Variants in ARB2A observed in about 807,000 individuals in gnomAD.
ARB2A encodes the protein ARB2 cotranscriptional regulator A.
chr5:93,675,027 G>C, the ARB2A span, among the ~76,000 whole-genome samples: 1 of 152,198 alleles, frequency 6.6e-6, no homozygotes, highest in South Asian at 2.1e-4. Flanking sequence ...GTAATATTCT[G>C]CTTCTCAACC....
the ARB2A span, among the ~76,000 whole-genome samples, chr5:93,692,305 A>G: frequency 6.6e-6 from 1 of 152,348 alleles, no homozygotes; most frequent in Admixed American, 6.5e-5. Flanking sequence ...AGTCACACAT[A>G]GGCTCAAAAT....
the ARB2A span, among the ~76,000 whole-genome samples, chr5:93,852,036 T>C: frequency 6.6e-6 from 1 of 152,190 alleles, no homozygotes; most frequent in African/African-American, 2.4e-5. Flanking sequence ...CACACTGACT[T>C]CCACAAGGGT....
the ARB2A span, chr5:93,683,225 T>A: frequency 7.3e-7 from 1 of 1,378,960 alleles, no homozygotes; most frequent in South Asian, 1.2e-5. Flanking sequence ...ATCATCATCG[T>A]CATCATCTTC....
At chr5:93,923,416 C>T in the ARB2A span, among the ~76,000 whole-genome samples, 9 of 152,184 alleles carry the variant, frequency 5.9e-5, no homozygotes, top group South Asian at 2.1e-4. Context: ...AAAGAGTCAA[C>T]TGTATTTTTT....
At chr5:94,087,900 A>T in the ARB2A span, among the ~76,000 whole-genome samples, 314 of 152,356 alleles carry the variant, frequency 2.1e-3, 2 homozygotes, top group African/African-American at 7.3e-3. Context: ...ACAGACTATA[A>T]CATCTAGGTG....
At chr5:93,736,298 G>A in the ARB2A span, 1 of 152,176 alleles carries the variant, frequency 6.6e-6, no homozygotes, top group South Asian at 2.1e-4. Flanking sequence ...GCTTATAGGT[G>A]TGTTCTGAAA....
chr5:93,632,369 C>T, the ARB2A span, among the ~76,000 whole-genome samples: 3 of 152,048 alleles, frequency 2.0e-5, no homozygotes, highest in African/African-American at 7.3e-5. Context: ...GAACAAGTGC[C>T]GGGGCTCTAA....
the ARB2A span, chr5:93,619,943 C>CA: frequency 6.6e-6 from 1 of 152,238 alleles, no homozygotes; most frequent in East Asian, 1.9e-4. Context: ...AAAAAGGCTG[C>CA]AGAGCACAAA....
chr5:93,717,835 CTTT>C, the ARB2A span, among the ~76,000 whole-genome samples: 8 of 136,282 alleles, frequency 5.9e-5, no homozygotes, highest in Admixed American at 7.4e-5. Flanking sequence ...AATTCATATT[CTTT>C]TTTTTTTTTT....
the ARB2A span, among the ~76,000 whole-genome samples, chr5:93,812,429 C>A: frequency 6.6e-6 from 1 of 152,082 alleles, no homozygotes; most frequent in Non-Finnish European, 1.5e-5. Flanking sequence ...GGCAGACAGG[C>A]TACTAGAAAC....
the ARB2A span, among the ~76,000 whole-genome samples, chr5:93,864,862 C>T: frequency 3.3e-5 from 5 of 152,086 alleles, no homozygotes; most frequent in African/African-American, 1.2e-4. Flanking sequence ...ATTAGAGTTG[C>T]TTATGAATAT....
chr5:93,870,721 C>A, the ARB2A span, among the ~76,000 whole-genome samples: 2 of 152,180 alleles, frequency 1.3e-5, no homozygotes, highest in Non-Finnish European at 2.9e-5. Context: ...GTCTTTACTG[C>A]CACATAAGGG....
the ARB2A span, among the ~76,000 whole-genome samples, chr5:93,918,512 C>T: frequency 3.3e-5 from 5 of 149,308 alleles, no homozygotes; most frequent in Admixed American, 6.7e-5. Flanking sequence ...ACCTCTGCCT[C>T]CCGGGTTCAA....
the ARB2A span, among the ~76,000 whole-genome samples, chr5:93,635,731 C>G: frequency 4.2e-4 from 64 of 152,138 alleles, no homozygotes; most frequent in African/African-American, 1.5e-3. Context: ...TGAGCTACTG[C>G]GTCCGGCTAG....
chr5:93,670,964 T>C, the ARB2A span, among the ~76,000 whole-genome samples: 1 of 152,206 alleles, frequency 6.6e-6, no homozygotes, highest in Non-Finnish European at 1.5e-5. Flanking sequence ...TTTCTTATAA[T>C]AGACTAGTCT....
chr5:93,798,090 A>G, the ARB2A span, among the ~76,000 whole-genome samples: 1 of 152,146 alleles, frequency 6.6e-6, no homozygotes, highest in Admixed American at 6.5e-5. Context: ...TACCACAGTC[A>G]GAGCACAAAA....
the ARB2A span, among the ~76,000 whole-genome samples, chr5:93,953,745 G>A: frequency 6.6e-6 from 1 of 152,112 alleles, no homozygotes; most frequent in African/African-American, 2.4e-5. Context: ...GCCCTGGGCA[G>A]CTCCAGAGAC....
chr5:94,101,461 G>C, the ARB2A span, among the ~76,000 whole-genome samples: 2 of 152,080 alleles, frequency 1.3e-5, no homozygotes, highest in Admixed American at 1.3e-4. Flanking sequence ...CTCAGAGGAA[G>C]ACTATCTACC....
the ARB2A span, among the ~76,000 whole-genome samples, chr5:93,885,976 A>G: frequency 6.6e-6 from 1 of 151,780 alleles, no homozygotes; most frequent in Non-Finnish European, 1.5e-5. Flanking sequence ...GGTGATGACA[A>G]ACACAAAGAA....
Sources: gnomAD v4.1 joint callset for allele counts (sites outside exome capture counted in the v4.1 genomes callset) on GRCh38, gnomAD v4.1.1 for gene constraint, MANE v1.5 for transcripts, NCBI Gene and HGNC (gene_info 2026-07-23, HGNC 2026-07-21) for gene names.